Variants in SLC30A4 observed in about 807,000 individuals in gnomAD.
SLC30A4 encodes the protein probable proton-coupled zinc antiporter SLC30A4.
In SLC30A4, 20 loss-of-function variants were observed where a neutral mutation model predicts 41.7. That is an observed-to-expected ratio of 0.48 (90% CI 0.34 to 0.70). The LOEUF (loss-of-function observed/expected upper bound fraction) is 0.70. Among genes scored for constraint, SLC30A4 ranks in the 30% least tolerant of loss-of-function variants. The pLI, the probability that SLC30A4 is intolerant of heterozygous loss-of-function variation, is 0.01. For synonymous variants in SLC30A4, 181 were observed against 195.9 expected (o/e 0.92, Z 0.64); for missense variants, 441 against 529.3 (o/e 0.83, Z 1.64).
chr15:45,492,632 A>T (rs1250054793), intron 3 of SLC30A4, among the ~76,000 whole-genome samples: 1 of 152,158 alleles, frequency 6.6e-6, no homozygotes, highest in Non-Finnish European at 1.5e-5. Flanking sequence ...CTATGCATGT[A>T]TAAAGAAGAA....
chr15:45,498,525 G>A (rs1891952153), intron 3 of SLC30A4, among the ~76,000 whole-genome samples: 1 of 152,064 alleles, frequency 6.6e-6, no homozygotes, highest in South Asian at 2.1e-4. Flanking sequence ...AGAATGGCAA[G>A]CTAAACTCCA....
chr15:45,514,769 C>T (rs998776224), intron 2 of SLC30A4, among the ~76,000 whole-genome samples: 20 of 152,092 alleles, frequency 1.3e-4, no homozygotes, highest in South Asian at 6.2e-4. Context: ...CCCGCCTTGG[C>T]GTCCCAAAGT....
chr15:45,488,490 T>G (rs189669378), intron 5 of SLC30A4, among the ~76,000 whole-genome samples: 32 of 152,234 alleles, frequency 2.1e-4, no homozygotes, highest in Admixed American at 1.6e-3. Flanking sequence ...TGACAATCAC[T>G]TGAGCCTGGG....
Position 45,509,838 on chromosome 15 carries a change from G to A in SLC30A4, c.538+1300C>T, listed in dbSNP as rs149791071. ...CTCTGGGAGGCCAAGGTAGGAGGATGGCTTGAGCACAGGAGTTTGACATCA... is the reference window on the plus strand; with the variant it reads ...CTCTGGGAGGCCAAGGTAGGAGGATAGCTTGAGCACAGGAGTTTGACATCA... On this transcript the variant is annotated intron_variant, in intron 3 of 7. Coordinates refer to ENST00000261867, the MANE Select transcript of SLC30A4 (RefSeq NM_013309.6). Among the ~76,000 whole-genome samples, 417 of 152,246 alleles carry A rather than the reference G, an allele frequency of 2.7e-3. 3 individuals carry two copies. Among genetic ancestry groups the A allele is most frequent in the African/African-American group, 9.3e-3 (385 of 41,562 alleles).
intron 3 of SLC30A4, among the ~76,000 whole-genome samples, chr15:45,507,689 T>C (rs960125184): frequency 7.2e-5 from 11 of 151,982 alleles, no homozygotes; most frequent in Admixed American, 2.6e-4. Context: ...GGTTTCACCA[T>C]GTTGGCTAGG....
chr15:45,492,348 A>T (rs1891827004), intron 3 of SLC30A4, among the ~76,000 whole-genome samples: 1 of 152,172 alleles, frequency 6.6e-6, no homozygotes, highest in Non-Finnish European at 1.5e-5. Context: ...GAAGAAAAAA[A>T]ATCAAACAAA....
At chr15:45,486,471 T>C (rs1891708167) in intron 7 of SLC30A4, 140 bp downstream of exon 7, 1 of 745,740 alleles carries the variant, frequency 1.3e-6, no homozygotes, top group African/African-American at 1.8e-5. Flanking sequence ...AAAGCCTTTG[T>C]TTTTTAAAGA....
intron 2 of SLC30A4, chr15:45,519,746 TA>T (rs1268941266): frequency 6.6e-6 from 1 of 152,246 alleles, no homozygotes; most frequent in African/African-American, 2.4e-5. Context: ...AATTATATCT[TA>T]ATGATTTTTA....
At chr15:45,500,614 G>GTCTA (rs10593774) in intron 3 of SLC30A4, among the ~76,000 whole-genome samples, 2,697 of 149,716 alleles carry the variant, frequency 0.018, 24 homozygotes, top group East Asian at 0.037. Context: ...TTAAGGGTCT[G>GTCTA]TCTATCTATC....
At chr15:45,503,907 T>A (rs186591481) in intron 3 of SLC30A4, among the ~76,000 whole-genome samples, 1 of 150,374 alleles carries the variant, frequency 6.7e-6, no homozygotes, top group Admixed American at 6.6e-5. Flanking sequence ...GATCGTGCCA[T>A]TGCACTCCAG....
rs1448007000 is a variant in SLC30A4 at position 45,482,540 on chromosome 15, C to A, written c.*2623G>T. ...CCTTTATAAGATAAAGAAAAGTTTA[C>A]AAGAAACAAGCTCAATAGATATAAA... On this transcript the variant is annotated 3_prime_UTR_variant, in exon 8 of 8. Transcript: ENST00000261867. The A allele has an allele frequency of 6.6e-6, 1 of 151,802 alleles. No individual in the cohort carries two copies. The highest frequency in any genetic ancestry group is 2.1e-4 in the South Asian group (1 of 4,816). 9.4% of individuals were successfully genotyped at this position (151,802 alleles called of 1,614,324 possible).
chr15:45,511,357 T>C (rs1185031217), intron 2 of SLC30A4, 73 bp from the exon 3 acceptor site: 5 of 980,460 alleles, frequency 5.1e-6, no homozygotes, highest in Non-Finnish European at 7.4e-6. Context: ...ACTAGAAATA[T>C]GCAATATCCT....
chr15:45,490,881 T>C lies in SLC30A4; in HGVS notation c.539A>G (p.Glu180Gly). 7 of 1,559,892 alleles carry C rather than the reference T, an allele frequency of 4.5e-6. No individual in the cohort carries two copies. The highest frequency in any genetic ancestry group is 5.2e-6 in the Non-Finnish European group (6 of 1,152,058). Reference protein sequence around the residue: ...KRFTFGFHRLEVLSAMISVLL... With the variant: ...KRFTFGFHRLGVLSAMISVLL... ...CACACTAATCATAGCTGACAAAACCTCTAGAGGGAAAAACACATATAACAA... is the reference window on the plus strand; with the variant it reads ...CACACTAATCATAGCTGACAAAACCCCTAGAGGGAAAAACACATATAACAA... Residue 180 changes from glutamate to glycine, a missense_variant and splice_region_variant, in exon 4 of 8, where the codon GAG becomes GGG. By Grantham distance (98) the Glu-to-Gly change is moderately conservative. Around this residue, in one of 3 missense-constraint regions of SLC30A4, gnomAD observed 312 missense variants for 341.9 expected, o/e 0.91. Coordinates refer to ENST00000261867, the MANE Select transcript of SLC30A4 (RefSeq NM_013309.6).
chr15:45,499,781 C>T (rs919097905), intron 3 of SLC30A4, among the ~76,000 whole-genome samples: 2 of 152,158 alleles, frequency 1.3e-5, no homozygotes, highest in African/African-American at 4.8e-5. Flanking sequence ...CATATGGCCC[C>T]TAACCTGCTC....
intron 3 of SLC30A4, among the ~76,000 whole-genome samples, chr15:45,503,999 CT>C (rs755131316): frequency 6.6e-6 from 1 of 151,982 alleles, no homozygotes; most frequent in African/African-American, 2.4e-5. Flanking sequence ...GAAAAAATAG[CT>C]AATCTTTGGG....
In SLC30A4 at chr15:45,480,397, G is replaced by C. The variant is rs1215950769; in HGVS notation, c.*4766C>G. On this transcript the variant is annotated 3_prime_UTR_variant, in exon 8 of 8. Transcript: ENST00000261867. ...ACAAATCTCAAGACCTGGTTGTCAAGATTCATACGACACATCTGGAGTTAG... is the reference window on the plus strand; with the variant it reads ...ACAAATCTCAAGACCTGGTTGTCAACATTCATACGACACATCTGGAGTTAG... 1.3e-5 allele frequency: 2 copies of C among 152,198 alleles called. No homozygotes were observed. Among genetic ancestry groups the C allele is most frequent in the Non-Finnish European group, 2.9e-5 (2 of 68,042 alleles). 9.4% of individuals were successfully genotyped at this position (152,198 alleles called of 1,614,324 possible).
chr15:45,498,419 T>G (rs557224211), intron 3 of SLC30A4, among the ~76,000 whole-genome samples: 3 of 152,194 alleles, frequency 2.0e-5, no homozygotes, highest in Non-Finnish European at 4.4e-5. Flanking sequence ...CAAAGGGGCA[T>G]TTCAGATTTT....
intron 3 of SLC30A4, among the ~76,000 whole-genome samples, chr15:45,498,843 T>C (rs530771925): frequency 1.3e-5 from 2 of 152,292 alleles, no homozygotes; most frequent in South Asian, 4.2e-4. Context: ...ACTAGGAGAT[T>C]ATAGGTTATT....
At chr15:45,520,655 T>G (rs1052109760) in intron 2 of SLC30A4, among the ~76,000 whole-genome samples, 2 of 152,200 alleles carry the variant, frequency 1.3e-5, no homozygotes, top group African/African-American at 4.8e-5. Context: ...TGTAAAGCAG[T>G]GTTTTTCAAG....
Sources: allele counts gnomAD v4.1 joint callset (sites outside exome capture counted in the v4.1 genomes callset), GRCh38; gene constraint gnomAD v4.1.1; regional missense constraint gnomAD v4.1.1; transcripts MANE v1.5; gene names NCBI Gene and HGNC (gene_info 2026-07-23, HGNC 2026-07-21).